C12orf54: variants seen among roughly 807,000 people sequenced by gnomAD.
C12orf54 encodes chromosome 12 open reading frame 54, also known as uncharacterized protein C12orf54.
In C12orf54, 24 loss-of-function variants were observed where a neutral mutation model predicts 26.4. The ratio of observed to expected loss-of-function variants is 0.91; its 90% CI spans 0.66 to 1.28. The LOEUF (loss-of-function observed/expected upper bound fraction) is 1.28. Ranked by LOEUF, C12orf54 falls within the 50% of genes most tolerant of loss-of-function variation. The pLI is 0.00. For synonymous variants in C12orf54, 54 were observed against 47.0 expected, an observed-to-expected ratio of 1.15 and a Z score of -0.61; for missense variants, 154 against 150.9, an observed-to-expected ratio of 1.02 and a Z score of -0.11.
intron 6 of C12orf54, 171 bp from the exon 7 acceptor site, chr12:48,492,776 G>T: frequency 1.6e-6 from 1 of 614,828 alleles, no homozygotes; most frequent in South Asian, 1.9e-5. Context: ...CAGATTTCTG[G>T]TGCCACATTC....
the C12orf54 span, among the ~76,000 whole-genome samples, chr12:48,456,753 G>T: frequency 6.6e-6 from 1 of 151,490 alleles, no homozygotes; most frequent in South Asian, 2.1e-4. Flanking sequence ...CTCTGTCTAG[G>T]TTCTCATCAG....
chr12:48,492,565 G>A (rs1008991784), intron 6 of C12orf54, among the ~76,000 whole-genome samples: 1 of 152,190 alleles, frequency 6.6e-6, no homozygotes, highest in Non-Finnish European at 1.5e-5. Flanking sequence ...GAGGGAGGGA[G>A]GGTGAAATCC....
At chr12:48,495,144 C>T (rs902459837) in intron 8 of C12orf54, among the ~76,000 whole-genome samples, 165 bp downstream of exon 8, 1 of 151,640 alleles carries the variant, frequency 6.6e-6, no homozygotes, top group Non-Finnish European at 1.5e-5. Context: ...CAAGTGAAGG[C>T]AGGGCTAGGC....
At chr12:48,490,753 T>C (rs4237858) in intron 5 of C12orf54, 59 bp from the exon 6 acceptor site, 178,211 of 1,587,036 alleles carry the variant, frequency 0.11, 21,651 homozygotes, top group East Asian at 0.63. Flanking sequence ...GCTAATACAG[T>C]GCAGGTCTGC....
At chr12:48,436,371 A>G in the C12orf54 span, among the ~76,000 whole-genome samples, 1 of 152,180 alleles carries the variant, frequency 6.6e-6, no homozygotes, top group Non-Finnish European at 1.5e-5. Context: ...GTTAACAAGG[A>G]TATCCAGGTA....
At chr12:48,422,133 A>G in the C12orf54 span, among the ~76,000 whole-genome samples, 1 of 152,254 alleles carries the variant, frequency 6.6e-6, no homozygotes, top group Admixed American at 6.5e-5. Context: ...AAGGGTTAAA[A>G]GAAGAGGCTC....
the C12orf54 span, among the ~76,000 whole-genome samples, chr12:48,436,987 A>T: frequency 6.6e-6 from 1 of 150,708 alleles, no homozygotes; most frequent in Admixed American, 6.7e-5. Context: ...TGAAAAGATC[A>T]ACAAAATTGA....
the C12orf54 span, among the ~76,000 whole-genome samples, chr12:48,420,275 A>AT: frequency 6.6e-6 from 1 of 152,134 alleles, no homozygotes; most frequent in Non-Finnish European, 1.5e-5. Flanking sequence ...CCAGAAGCAA[A>AT]TTTTTTACCT....
the C12orf54 span, among the ~76,000 whole-genome samples, chr12:48,416,335 T>G: frequency 6.6e-6 from 1 of 152,226 alleles, no homozygotes; most frequent in Non-Finnish European, 1.5e-5. Context: ...CATCGCTTGC[T>G]GAGCTTCAGT....
the C12orf54 span, among the ~76,000 whole-genome samples, chr12:48,422,661 A>T: frequency 1.8e-3 from 276 of 152,320 alleles, no homozygotes; most frequent in African/African-American, 6.1e-3. Context: ...TGTATAAGAA[A>T]AATTAATATT....
chr12:48,434,232 C>A, the C12orf54 span, among the ~76,000 whole-genome samples: 1 of 152,322 alleles, frequency 6.6e-6, no homozygotes, highest in African/African-American at 2.4e-5. Context: ...CCCGCCATTG[C>A]CCAGGGTTGA....
At chr12:48,427,847 A>G in the C12orf54 span, among the ~76,000 whole-genome samples, 1 of 152,114 alleles carries the variant, frequency 6.6e-6, no homozygotes, top group African/African-American at 2.4e-5. Flanking sequence ...AGAACATTCC[A>G]TCCAAGAACC....
At chr12:48,452,385 C>A in the C12orf54 span, among the ~76,000 whole-genome samples, 976 of 152,180 alleles carry the variant, frequency 6.4e-3, 8 homozygotes, top group Non-Finnish European at 8.9e-3. Flanking sequence ...AAAAACTCTA[C>A]AAGAAAACTT....
At chr12:48,477,072 A>G in the C12orf54 span, among the ~76,000 whole-genome samples, 1 of 152,270 alleles carries the variant, frequency 6.6e-6, no homozygotes, top group African/African-American at 2.4e-5. Context: ...CAATCAAACT[A>G]GAACTCAGGA....
the C12orf54 span, among the ~76,000 whole-genome samples, chr12:48,432,148 A>G: frequency 6.6e-6 from 1 of 152,256 alleles, no homozygotes; most frequent in African/African-American, 2.4e-5. Context: ...CAATTCTTCA[A>G]AAACAGAACA....
the C12orf54 span, among the ~76,000 whole-genome samples, chr12:48,422,981 G>A: frequency 2.0e-5 from 3 of 152,078 alleles, no homozygotes; most frequent in African/African-American, 7.2e-5. Context: ...AAATAATAAA[G>A]CCAGACAGCA....
At chr12:48,453,462 ACCTGCACAT>A in the C12orf54 span, among the ~76,000 whole-genome samples, 4 of 150,326 alleles carry the variant, frequency 2.7e-5, no homozygotes, top group African/African-American at 4.9e-5. Flanking sequence ...TATGCAACAA[ACCTGCACAT>A]CCTGCACATG....
chr12:48,423,058 G>T, the C12orf54 span, among the ~76,000 whole-genome samples: 2 of 152,116 alleles, frequency 1.3e-5, no homozygotes, highest in Non-Finnish European at 2.9e-5. Context: ...CATTTCAAAT[G>T]CATCTGTCAG....
the C12orf54 span, among the ~76,000 whole-genome samples, chr12:48,454,549 A>G: frequency 1.8e-3 from 278 of 152,344 alleles, 1 homozygote; most frequent in African/African-American, 6.4e-3. Context: ...CTGATTGCTA[A>G]GAATAAAGCC....
Sources: gnomAD v4.1 joint callset for allele counts (sites outside exome capture counted in the v4.1 genomes callset) on GRCh38, gnomAD v4.1.1 for gene constraint, MANE v1.5 for transcripts, NCBI Gene and HGNC (gene_info 2026-07-23, HGNC 2026-07-21) for gene names.